Variants in ADAMTS9 observed in about 807,000 individuals in gnomAD.
ADAMTS9 encodes the protein A disintegrin and metalloproteinase with thrombospondin motifs 9.
A neutral mutation model predicts 257.1 loss-of-function variants in ADAMTS9; 107 were observed. That is an observed-to-expected ratio of 0.42 (90% CI 0.36 to 0.49). The LOEUF (loss-of-function observed/expected upper bound fraction) is 0.49. Ranked by LOEUF, ADAMTS9 falls within the 20% of genes least tolerant of loss-of-function variation. The pLI is 0.03. For synonymous variants in ADAMTS9, 982 were observed against 880.9 expected, an observed-to-expected ratio of 1.11 and a Z score of -2.03; for missense variants, 2,353 against 2,469.1, an observed-to-expected ratio of 0.95 and a Z score of 1.00.
intron 38 of ADAMTS9, among the ~76,000 whole-genome samples, chr3:64,530,340 T>G (rs2106887165): frequency 6.6e-6 from 1 of 151,964 alleles, no homozygotes; most frequent in East Asian, 1.9e-4. Flanking sequence ...AAGCCTATTT[T>G]CAGGTAGCAT....
At chr3:64,654,824 T>C (rs913685225) in intron 6 of ADAMTS9, 5 of 583,640 alleles carry the variant, frequency 8.6e-6, no homozygotes, top group East Asian at 2.8e-5. Flanking sequence ...GAAGTTTTCT[T>C]CTGTGGTCAG....
At position 64,568,240 on chromosome 3, in the gene ADAMTS9, T is replaced by TC. The variant is rs975976064; in HGVS notation, c.4524+127dup. 5 of 933,652 alleles carry TC rather than the reference T, an allele frequency of 5.4e-6. No individual in the cohort carries two copies. The Admixed American group carries it at 9.2e-5, about 17-fold the overall frequency. 57.8% of individuals were successfully genotyped at this position (933,652 alleles called of 1,614,324 possible). A position where few individuals can be genotyped will look rare whatever the true frequency, so the allele number is the denominator to read the frequency against. On this transcript the variant is annotated intron_variant, in intron 29 of 39. Coordinates refer to ENST00000498707, the MANE Select transcript of ADAMTS9 (RefSeq NM_182920.2). Reference sequence around the variant, plus strand: ...ATCCTGACTATCTAGGTAATGATTCTCCCCTCCCAGTCCCCGAGCTCCCCT... The same window carrying TC: ...ATCCTGACTATCTAGGTAATGATTCTCCCCCTCCCAGTCCCCGAGCTCCCCT...
rs1239343273 is a variant in ADAMTS9, at chr3:64,541,241, G to A, written c.5388-13C>T. 2 of 1,614,050 alleles carry A rather than the reference G, an allele frequency of 1.2e-6. No individual in the cohort carries two copies. The highest frequency in any genetic ancestry group is 2.7e-5 in the African/African-American group (2 of 74,918). Reference sequence around the variant, plus strand: ...TGGGTTGTGTAACCTAAATTATACAGAGAATGTTCTGGTAAGGATGGGAAA... The same window carrying A: ...TGGGTTGTGTAACCTAAATTATACAAAGAATGTTCTGGTAAGGATGGGAAA... On this transcript the variant is annotated splice_polypyrimidine_tract_variant and intron_variant, in intron 35 of 39. Coordinates refer to ENST00000498707, the MANE Select transcript of ADAMTS9 (RefSeq NM_182920.2).
intron 27 of ADAMTS9, among the ~76,000 whole-genome samples, chr3:64,594,875 C>T (rs1234208656): frequency 2.0e-5 from 3 of 152,118 alleles, no homozygotes; most frequent in Non-Finnish European, 4.4e-5. Flanking sequence ...CAACCTCCGC[C>T]TCCCAGGTTC....
At chr3:64,603,665 A>G (rs540276552) in intron 25 of ADAMTS9, among the ~76,000 whole-genome samples, 1 of 152,312 alleles carries the variant, frequency 6.6e-6, no homozygotes, top group Non-Finnish European at 1.5e-5. Context: ...GATCAGCCCA[A>G]CAGGACAGAC....
At chr3:64,579,969 C>T (rs529517643) in intron 28 of ADAMTS9, among the ~76,000 whole-genome samples, 13 of 152,168 alleles carry the variant, frequency 8.5e-5, no homozygotes, top group Non-Finnish European at 1.8e-4. Flanking sequence ...GAATACTACA[C>T]TGCCCTGTAA....
intron 38 of ADAMTS9, among the ~76,000 whole-genome samples, chr3:64,531,160 CT>C (rs34207906): frequency 1.3e-5 from 2 of 152,024 alleles, no homozygotes; most frequent in East Asian, 1.9e-4. Context: ...AGTGAGATAG[CT>C]TTTTTTCACA....
Position 64,594,338 on chromosome 3 carries a change from C to G in ADAMTS9, c.4276G>C (p.Asp1426His), listed in dbSNP as rs1337981827. 6.2e-7 allele frequency: 1 copy of G among 1,613,554 alleles called. No individual in the cohort carries two copies. Among genetic ancestry groups the G allele is most frequent in the Non-Finnish European group, 8.5e-7 (1 of 1,179,822 alleles). ...RFPDLSCEIL[D>H]KPPDREQCNT... ...CACTGCTCACGATCGGGAGGTTTATCAAGAATTTCACAGCTCAAATCTGGA... is the reference window on the plus strand; with the variant it reads ...CACTGCTCACGATCGGGAGGTTTATGAAGAATTTCACAGCTCAAATCTGGA... Residue 1426 changes from aspartate (D) to histidine (H), a missense_variant, in exon 28 of 40, where the codon GAT becomes CAT. Around this residue, in one of 3 missense-constraint regions of ADAMTS9, gnomAD observed 1,402 missense variants for 1,441.4 expected, o/e 0.97. Coordinates refer to ENST00000498707, the MANE Select transcript of ADAMTS9 (RefSeq NM_182920.2).
intron 6 of ADAMTS9, 80 bp downstream of exon 6, chr3:64,655,496 C>G (rs1701045342): frequency 8.4e-7 from 1 of 1,190,966 alleles, no homozygotes; most frequent in Non-Finnish European, 1.2e-6. Context: ...CCACTAGCAG[C>G]TGACTATTAG....
intron 20 of ADAMTS9, 150 bp from the exon 21 acceptor site, chr3:64,615,635 T>C: frequency 2.2e-6 from 2 of 896,058 alleles, no homozygotes; most frequent in Non-Finnish European, 3.3e-6. Flanking sequence ...TTTCATGTTA[T>C]CAGTTTGCTT....
intron 28 of ADAMTS9, among the ~76,000 whole-genome samples, chr3:64,579,156 T>A (rs548983093): frequency 5.9e-5 from 9 of 152,314 alleles, no homozygotes; most frequent in African/African-American, 2.2e-4. Context: ...CTCAGTTTCA[T>A]CTGTAATTTC....
chr3:64,570,094 A>G (rs529911717), intron 28 of ADAMTS9, among the ~76,000 whole-genome samples: 49 of 152,218 alleles, frequency 3.2e-4, no homozygotes, highest in Non-Finnish European at 6.3e-4. Flanking sequence ...CATTTCTCTG[A>G]AAAGAAAATA....
At chr3:64,645,351 G>T (rs1700762074) in intron 11 of ADAMTS9, among the ~76,000 whole-genome samples, 1 of 152,166 alleles carries the variant, frequency 6.6e-6, no homozygotes, top group African/African-American at 2.4e-5. Flanking sequence ...AAAGGAAAAT[G>T]CTAATGGACT....
intron 22 of ADAMTS9, among the ~76,000 whole-genome samples, chr3:64,612,235 C>A (rs1251443436): frequency 6.6e-6 from 1 of 152,122 alleles, no homozygotes; most frequent in South Asian, 2.1e-4. Context: ...ATAAGATGTG[C>A]TAGGAATGGC....
intron 33 of ADAMTS9, 35 bp downstream of exon 33, chr3:64,541,803 T>C (rs759535726): frequency 1.2e-6 from 2 of 1,612,826 alleles, no homozygotes; most frequent in Non-Finnish European, 1.7e-6. Flanking sequence ...CTGTTCTTCA[T>C]GCTAAAGAAA....
Position 64,639,293 on chromosome 3 carries a change from G to GTTT in ADAMTS9, c.1856+2552_1856+2554dup, listed in dbSNP as rs753448050. 8.4e-3 allele frequency among the ~76,000 whole-genome samples: 476 copies of GTTT among 56,780 alleles called. 6 individuals are homozygous for GTTT. Among genetic ancestry groups the GTTT allele is most frequent in the African/African-American group, 0.029 (330 of 11,280 alleles). 37.2% of individuals were successfully genotyped at this position (56,780 alleles called of 152,430 possible). ...GTGCTGACACTCAACTAGGTGGATT[G>GTTT]TTTTTTTTTTTTTTTTTTTAAAAAA... On this transcript the variant is annotated intron_variant, in intron 12 of 39. Transcript: ENST00000498707.
At chr3:64,574,571 A>AAAAAG in intron 28 of ADAMTS9, among the ~76,000 whole-genome samples, 1 of 151,688 alleles carries the variant, frequency 6.6e-6, no homozygotes, top group African/African-American at 2.4e-5. Context: ...AAAAAAAAAA[A>AAAAAG]AAAAAAGAAA....
At chr3:64,591,983 C>T (rs981874173) in intron 28 of ADAMTS9, among the ~76,000 whole-genome samples, 3 of 152,086 alleles carry the variant, frequency 2.0e-5, no homozygotes, top group South Asian at 4.2e-4. Flanking sequence ...GCTATTAACA[C>T]AATTACTGAG....
chr3:64,648,103 C>T, intron 10 of ADAMTS9, 59 bp from the exon 11 acceptor site: 2 of 1,481,708 alleles, frequency 1.3e-6, no homozygotes, highest in East Asian at 2.3e-5. Context: ...CAGTATCAAA[C>T]AAAGCAAAGC....
Sources: gnomAD v4.1 joint callset for allele counts (sites outside exome capture counted in the v4.1 genomes callset) on GRCh38, gnomAD v4.1.1 for gene constraint, gnomAD v4.1.1 regional missense constraint, MANE v1.5 for transcripts, NCBI Gene and HGNC (gene_info 2026-07-23, HGNC 2026-07-21) for gene names.